KDM4C: variants seen among roughly 807,000 people sequenced by gnomAD.
KDM4C encodes the protein lysine demethylase 4C.
A neutral mutation model predicts 129.3 loss-of-function variants in KDM4C; 81 were observed. That is an observed-to-expected ratio of 0.63 (90% confidence interval 0.52 to 0.75). The LOEUF is 0.75. KDM4C is among the 30% of genes least tolerant of loss of function. The pLI is 0.00. For missense variants in KDM4C, 1,457 were observed against 1,304.0 expected, an observed-to-expected ratio of 1.12 and a Z score of -1.81; for synonymous variants, 573 against 456.1, an observed-to-expected ratio of 1.26 and a Z score of -3.26.
At chr9:6,868,182 G>A (rs1022112638) in intron 5 of KDM4C, among the ~76,000 whole-genome samples, 2 of 152,040 alleles carry the variant, frequency 1.3e-5, no homozygotes, top group African/African-American at 4.8e-5. Flanking sequence ...CCCCCCGAGA[G>A]AAAGAACTCA....
At chr9:7,077,630 A>G (rs1834075853) in intron 17 of KDM4C, among the ~76,000 whole-genome samples, 3 of 152,154 alleles carry the variant, frequency 2.0e-5, no homozygotes, top group Admixed American at 6.5e-5. Flanking sequence ...CTGCCTCTGG[A>G]ATATGGTGGA....
intron 17 of KDM4C, among the ~76,000 whole-genome samples, chr9:7,090,529 C>G (rs1474189611): frequency 6.6e-6 from 1 of 152,108 alleles, no homozygotes; most frequent in African/African-American, 2.4e-5. Context: ...TCTGGTGCTA[C>G]TTTTAATTTG....
At chr9:6,763,082 A>C (rs1443700286) in intron 1 of KDM4C, among the ~76,000 whole-genome samples, 2 of 152,032 alleles carry the variant, frequency 1.3e-5, no homozygotes, top group East Asian at 3.9e-4. Context: ...GATCTTCTAA[A>C]TCCACACTTT....
At chr9:6,830,438 T>C (rs1387109070) in intron 4 of KDM4C, among the ~76,000 whole-genome samples, 1 of 152,114 alleles carries the variant, frequency 6.6e-6, no homozygotes, top group African/African-American at 2.4e-5. Flanking sequence ...CAGTGGGCTT[T>C]TGGGGGGTCA....
chr9:6,829,593 G>T (rs1228330423), intron 4 of KDM4C, among the ~76,000 whole-genome samples: 1 of 152,186 alleles, frequency 6.6e-6, no homozygotes, highest in African/African-American at 2.4e-5. Context: ...TATCCTAGAT[G>T]ACTCCTACTT....
intron 19 of KDM4C, among the ~76,000 whole-genome samples, chr9:7,144,234 G>A (rs1297770371): frequency 6.6e-6 from 1 of 151,908 alleles, no homozygotes; most frequent in Non-Finnish European, 1.5e-5. Context: ...GGGAGGCCAA[G>A]GTGAGAGAGA....
intron 3 of KDM4C, among the ~76,000 whole-genome samples, chr9:6,807,115 C>G (rs1377491744): frequency 2.0e-5 from 3 of 151,910 alleles, no homozygotes; most frequent in African/African-American, 4.8e-5. Context: ...GTCTCCAGCC[C>G]CTAACCGCGA....
intron 15 of KDM4C, among the ~76,000 whole-genome samples, chr9:7,040,366 A>C (rs1161231306): frequency 9.5e-3 from 364 of 38,304 alleles, no homozygotes; most frequent in South Asian, 0.014. Flanking sequence ...TCTCTACCCC[A>C]CTCTGTGTGT....
At chr9:7,105,650 C>G (rs1184084531) in intron 18 of KDM4C, 1 of 348,850 alleles carries the variant, frequency 2.9e-6, no homozygotes, top group East Asian at 7.5e-5. Flanking sequence ...AATTCCAAAC[C>G]CCAAACCTCA....
At position 6,766,123 on chromosome 9, in the gene KDM4C, T is replaced by C. The variant is rs372588549; in HGVS notation, c.-18+7920T>C. On this transcript the variant is annotated intron_variant, in intron 1 of 21. Coordinates refer to ENST00000381309, the MANE Select transcript of KDM4C (RefSeq NM_015061.6). ...TTTTAAAATATATGAAAATATATTG[T>C]ATAGGTTGAGTATTCCTTATCTGAA... is the stretch of plus-strand genomic sequence containing the variant. Among the ~76,000 whole-genome samples, 51 of 152,328 alleles carry C rather than the reference T, an allele frequency of 3.3e-4. 1 individual carries two copies. In the East Asian group the frequency reaches 5.2e-3, roughly 16 times the overall value.
Position 6,722,821 on chromosome 9 carries a change from A to AT in KDM4C, c.49+1830dup, listed in dbSNP as rs201837027. Among the ~76,000 whole-genome samples the AT allele has an allele frequency of 5.2e-3, 784 of 152,034 alleles. 8 individuals are homozygous for AT. The highest frequency in any genetic ancestry group is 0.018 in the African/African-American group (747 of 41,496). ...AGCCACCGCATCCGGCCTACAAAAGATTTTTTAAAAAATTAGCTGGGTGTA... is the reference window on the plus strand; with the variant it reads ...AGCCACCGCATCCGGCCTACAAAAGATTTTTTTAAAAAATTAGCTGGGTGTA... On this transcript the variant is annotated intron_variant, in intron 1 of 17. Transcript: ENST00000536108.
At chr9:6,776,147 C>T (rs1279803882) in intron 1 of KDM4C, among the ~76,000 whole-genome samples, 3 of 152,166 alleles carry the variant, frequency 2.0e-5, no homozygotes, top group Non-Finnish European at 4.4e-5. Context: ...TGTAGTGGTG[C>T]GATCGTAGCT....
intron 8 of KDM4C, among the ~76,000 whole-genome samples, chr9:6,908,700 G>T (rs1649771648): frequency 6.6e-6 from 1 of 152,100 alleles, no homozygotes; most frequent in African/African-American, 2.4e-5. Flanking sequence ...GAGGTACCTA[G>T]CTTAATTGGG....
intron 12 of KDM4C, among the ~76,000 whole-genome samples, chr9:6,995,925 C>T (rs1045840519): frequency 2.0e-5 from 3 of 152,194 alleles, no homozygotes; most frequent in Admixed American, 6.5e-5. Flanking sequence ...ACCTCGGCCT[C>T]CCAAAGTGCT....
chr9:7,155,024 G>A (rs1843024666), intron 19 of KDM4C, among the ~76,000 whole-genome samples: 1 of 152,214 alleles, frequency 6.6e-6, no homozygotes, highest in Admixed American at 6.5e-5. Flanking sequence ...AACATACTAA[G>A]TAAACTGCAT....
At chr9:7,133,996 C>G (rs945982953) in intron 19 of KDM4C, among the ~76,000 whole-genome samples, 3 of 152,182 alleles carry the variant, frequency 2.0e-5, no homozygotes, top group Admixed American at 6.5e-5. Flanking sequence ...CTCACCTCAG[C>G]TTTGGAAGCC....
chr9:6,793,261 T>C (rs771344839), intron 2 of KDM4C, 129 bp downstream of exon 2: 10 of 836,590 alleles, frequency 1.2e-5, no homozygotes, highest in African/African-American at 3.4e-5. Flanking sequence ...CGTTAATCCA[T>C]GTGAAACATT....
At chr9:6,992,885 G>A (rs1306567951) in intron 12 of KDM4C, among the ~76,000 whole-genome samples, 1 of 152,206 alleles carries the variant, frequency 6.6e-6, no homozygotes, top group Non-Finnish European at 1.5e-5. Context: ...TATTGAAGCT[G>A]GAAAGTTTCT....
chr9:7,008,873 A>G (rs73399830), intron 12 of KDM4C, among the ~76,000 whole-genome samples: 2,431 of 152,272 alleles, frequency 0.016, 52 homozygotes, highest in African/African-American at 0.051. Context: ...GAAAATTTGG[A>G]TGGACTGACT....
Sources: allele counts gnomAD v4.1 joint callset (sites outside exome capture counted in the v4.1 genomes callset), GRCh38; gene constraint gnomAD v4.1.1; transcripts MANE v1.5; gene names NCBI Gene and HGNC (gene_info 2026-07-23, HGNC 2026-07-21).